The following TMEM244 variants were observed in gnomAD, a reference collection of about 807,000 sequenced individuals.
The protein encoded by TMEM244 is putative transmembrane protein 244.
Under a neutral mutation model 15.8 loss-of-function variants are expected in TMEM244, and 13 were observed. The ratio of observed to expected loss-of-function variants is 0.82; its 90% confidence interval spans 0.53 to 1.30. The LOEUF (loss-of-function observed/expected upper bound fraction) is 1.30, where lower values mean the gene tolerates loss of function less well. TMEM244 is among the 50% of genes most tolerant of loss of function. The pLI, the probability that TMEM244 is intolerant of heterozygous loss-of-function variation, is 0.00. For synonymous variants in TMEM244, 45 were observed against 48.7 expected (o/e 0.92, Z 0.32); for missense variants, 161 against 144.9 (o/e 1.11, Z -0.57).
chr6:129,839,547 C>G (rs1776456979), intron 3 of TMEM244, among the ~76,000 whole-genome samples: 1 of 152,194 alleles, frequency 6.6e-6, no homozygotes, highest in Non-Finnish European at 1.5e-5. Flanking sequence ...CTCAGCACTC[C>G]TATTCAACAT....
At chr6:129,839,352 G>A (rs1361398299) in intron 3 of TMEM244, among the ~76,000 whole-genome samples, 1 of 152,296 alleles carries the variant, frequency 6.6e-6, no homozygotes, top group African/African-American at 2.4e-5. Flanking sequence ...AATAGATGCA[G>A]AAAAGGCCTT....
rs1053286633 is a variant in TMEM244 at position 129,840,431 on chromosome 6, A to G, written c.193+3099T>C. 2.0e-5 allele frequency among the ~76,000 whole-genome samples: 3 copies of G among 152,224 alleles called. No individual in the cohort carries two copies. In the East Asian group the frequency reaches 5.8e-4, roughly 29 times the overall value. ...CTACACCATAAACAAAAATTAACTC[A>G]AGATGGATAAAGACTTAAATGTAAG... On this transcript the variant is annotated intron_variant, in intron 3 of 4. Coordinates refer to ENST00000368143, the MANE Select transcript of TMEM244 (RefSeq NM_001010876.2).
In TMEM244 at chr6:129,861,153, T is replaced by C; in HGVS notation, c.33+3A>G. 1.9e-6 allele frequency: 3 copies of C among 1,613,802 alleles called. No individual in the cohort carries two copies. Among genetic ancestry groups the C allele is most frequent in the Admixed American group, 1.7e-5 (1 of 60,002 alleles). On this transcript the variant is annotated splice_donor_region_variant and intron_variant, in intron 1 of 4. Transcript: ENST00000368143. ...GCAATGCAAAGAAGTAATTTCTCTT[T>C]ACCTTGCTTGGAGCAACTCTGACCT...
At chr6:129,841,402 C>G (rs1776488354) in intron 3 of TMEM244, among the ~76,000 whole-genome samples, 1 of 137,472 alleles carries the variant, frequency 7.3e-6, no homozygotes, top group South Asian at 2.3e-4. Context: ...CGAGGAACAT[C>G]ACACACTGGG....
chr6:129,850,461 G>T (rs1776622994), intron 1 of TMEM244, among the ~76,000 whole-genome samples: 1 of 152,142 alleles, frequency 6.6e-6, no homozygotes, highest in South Asian at 2.1e-4. Flanking sequence ...GATAACTTGT[G>T]GGGGGTTAAG....
At chr6:129,841,012 G>T (rs117583820) in intron 3 of TMEM244, among the ~76,000 whole-genome samples, 2,294 of 152,312 alleles carry the variant, frequency 0.015, 21 homozygotes, top group Non-Finnish European at 0.022. Context: ...GGAAGACTGT[G>T]TGGCGATCCC....
At chr6:129,860,104 CGTGTGTGT>C (rs757397083) in intron 1 of TMEM244, among the ~76,000 whole-genome samples, 32,880 of 140,542 alleles carry the variant, frequency 0.23, 3,924 homozygotes, top group Non-Finnish European at 0.29. Flanking sequence ...CTCTGCAATG[CGTGTGTGT>C]GTGTGTGTGT....
At chr6:129,833,075 C>T (rs1419637792) in intron 4 of TMEM244, among the ~76,000 whole-genome samples, 1 of 151,940 alleles carries the variant, frequency 6.6e-6, no homozygotes, top group Non-Finnish European at 1.5e-5. Context: ...CAGGGTAATA[C>T]AAATAAAGTT....
chr6:129,857,484 T>C (rs533043705), intron 1 of TMEM244, among the ~76,000 whole-genome samples: 5 of 152,184 alleles, frequency 3.3e-5, no homozygotes, highest in African/African-American at 1.2e-4. Flanking sequence ...GCCTCCCAAG[T>C]AGCTGGGATT....
At chr6:129,849,926 C>T (rs1776613320) in intron 1 of TMEM244, among the ~76,000 whole-genome samples, 1 of 152,134 alleles carries the variant, frequency 6.6e-6, no homozygotes, top group Admixed American at 6.5e-5. Context: ...GAACATTCCC[C>T]AGAAAATCCT....
At chr6:129,840,623 A>G (rs948852428) in intron 3 of TMEM244, among the ~76,000 whole-genome samples, 1 of 152,218 alleles carries the variant, frequency 6.6e-6, no homozygotes, top group African/African-American at 2.4e-5. Context: ...AAAAGAAACT[A>G]TCATCAGAGT....
intron 1 of TMEM244, among the ~76,000 whole-genome samples, chr6:129,858,180 A>AT (rs1184925082): frequency 6.6e-6 from 1 of 151,934 alleles, no homozygotes; most frequent in Non-Finnish European, 1.5e-5. Flanking sequence ...TCTATAGTTT[A>AT]TTTTTTGTAC....
At chr6:129,845,641 A>T in intron 2 of TMEM244, 126 bp downstream of exon 2, 1 of 760,382 alleles carries the variant, frequency 1.3e-6, no homozygotes, top group Non-Finnish European at 2.2e-6. Context: ...AATAAAAGTA[A>T]GAAACTATGT....
intron 3 of TMEM244, among the ~76,000 whole-genome samples, chr6:129,842,997 T>C (rs1286825388): frequency 1.3e-5 from 2 of 151,834 alleles, no homozygotes; most frequent in African/African-American, 2.4e-5. Context: ...TTCTATACTA[T>C]TTTGGGAAGA....
intron 1 of TMEM244, among the ~76,000 whole-genome samples, chr6:129,859,176 T>G (rs1776765048): frequency 2.6e-5 from 4 of 152,202 alleles, no homozygotes; most frequent in African/African-American, 9.6e-5. Context: ...CTGACAAGTG[T>G]GTGACATTGG....
intron 1 of TMEM244, among the ~76,000 whole-genome samples, chr6:129,855,633 C>T (rs1776695170): frequency 6.6e-6 from 1 of 152,160 alleles, no homozygotes; most frequent in African/African-American, 2.4e-5. Flanking sequence ...ATTTGGTTGT[C>T]ATGGCTCTTT....
At chr6:129,861,127 G>C in intron 1 of TMEM244, 29 bp downstream of exon 1, 4 of 1,612,968 alleles carry the variant, frequency 2.5e-6, no homozygotes, top group Non-Finnish European at 3.4e-6. Flanking sequence ...GCAACTGAAA[G>C]GCAATGCAAA....
At chr6:129,854,483 C>T (rs1345864646) in intron 1 of TMEM244, among the ~76,000 whole-genome samples, 1 of 152,114 alleles carries the variant, frequency 6.6e-6, no homozygotes, top group Non-Finnish European at 1.5e-5. Flanking sequence ...AAAATAATCA[C>T]ACAGAAAATA....
In TMEM244 at chr6:129,850,098, G is replaced by A. The variant is rs868698005; in HGVS notation, c.34-4246C>T. Among the ~76,000 whole-genome samples the A allele has an allele frequency of 1.1e-4, 17 of 152,264 alleles. 2 individuals are homozygous for A. In the Middle Eastern group the frequency reaches 0.017, roughly 152 times the overall value. On this transcript the variant is annotated intron_variant, in intron 1 of 4. Coordinates refer to ENST00000368143, the MANE Select transcript of TMEM244 (RefSeq NM_001010876.2). Reference sequence around the variant, plus strand: ...TTCTGAACATTTAACAATAAATTGTGGAGCTGAGACTCAAGCCCTGCTCCG... The same window carrying A: ...TTCTGAACATTTAACAATAAATTGTAGAGCTGAGACTCAAGCCCTGCTCCG...
Sources: gnomAD v4.1 joint callset for allele counts (sites outside exome capture counted in the v4.1 genomes callset) on GRCh38, gnomAD v4.1.1 for gene constraint, MANE v1.5 for transcripts, NCBI Gene and HGNC (gene_info 2026-07-23, HGNC 2026-07-21) for gene names.